The following STXBP5L variants were observed in gnomAD, a reference collection of about 807,000 sequenced individuals.
The protein encoded by STXBP5L is syntaxin-binding protein 5-like.
STXBP5L carries 65 observed loss-of-function variants against 144.5 expected under a neutral mutation model. The ratio of observed to expected loss-of-function variants is 0.45; its 90% CI spans 0.37 to 0.55. STXBP5L has a LOEUF of 0.55. STXBP5L is among the 20% of genes least tolerant of loss of function. The pLI is 0.00. For missense variants in STXBP5L, 1,298 were observed against 1,405.5 expected, an observed-to-expected ratio of 0.92 and a Z score of 1.22; for synonymous variants, 505 against 469.6, an observed-to-expected ratio of 1.08 and a Z score of -0.97.
intron 25 of STXBP5L, among the ~76,000 whole-genome samples, chr3:121,417,603 C>T (rs911887076): frequency 6.6e-6 from 1 of 152,076 alleles, no homozygotes; most frequent in Non-Finnish European, 1.5e-5. Context: ...GTAGCTGGGA[C>T]TACAGGCACA....
At chr3:121,187,564 TA>T (rs1185891682) in intron 9 of STXBP5L, among the ~76,000 whole-genome samples, 1 of 116,278 alleles carries the variant, frequency 8.6e-6, no homozygotes, top group Non-Finnish European at 1.9e-5. Context: ...ATAATAAAAA[TA>T]AAAAATGAAA....
chr3:120,913,922 CA>C (rs1300003420), intron 2 of STXBP5L, among the ~76,000 whole-genome samples: 1 of 151,858 alleles, frequency 6.6e-6, no homozygotes, highest in East Asian at 1.9e-4. Flanking sequence ...GTGTTAAAAG[CA>C]AACTAGATAT....
intron 5 of STXBP5L, among the ~76,000 whole-genome samples, chr3:121,112,476 A>G (rs1365799562): frequency 1.3e-5 from 2 of 151,602 alleles, no homozygotes; most frequent in South Asian, 2.1e-4. Flanking sequence ...CCAACTGCCT[A>G]TTCAGTCCCA....
In STXBP5L at chr3:121,283,895, T is replaced by G. The variant is rs1553881; in HGVS notation, c.2110+3939T>G. ...GGATCTCCTACATTTGTGTGTGTGCTTGTGTGTGTGTGTGTGTGTGTGTGT... is the reference window on the plus strand; with the variant it reads ...GGATCTCCTACATTTGTGTGTGTGCGTGTGTGTGTGTGTGTGTGTGTGTGT... On this transcript the variant is annotated intron_variant, in intron 19 of 26. Transcript: ENST00000471454. 9.1e-4 allele frequency among the ~76,000 whole-genome samples: 106 copies of G among 116,190 alleles called. 1 individual carries two copies. The highest frequency in any genetic ancestry group is 4.2e-3 in the South Asian group (16 of 3,778). The allele number at this position is 116,190 out of a possible 152,430, so 76.2% of individuals were successfully genotyped here.
intron 8 of STXBP5L, among the ~76,000 whole-genome samples, chr3:121,155,521 A>G (rs1322795903): frequency 6.6e-6 from 1 of 151,922 alleles, no homozygotes; most frequent in Non-Finnish European, 1.5e-5. Context: ...CACTGAGTTG[A>G]TAAAACTAGC....
intron 3 of STXBP5L, among the ~76,000 whole-genome samples, chr3:120,963,005 G>T (rs1240123273): frequency 6.6e-6 from 1 of 152,144 alleles, no homozygotes; most frequent in Non-Finnish European, 1.5e-5. Flanking sequence ...CTTGTTAGTT[G>T]GATTCCTAGG....
At chr3:120,957,329 TATATG>T in intron 3 of STXBP5L, among the ~76,000 whole-genome samples, 1 of 152,174 alleles carries the variant, frequency 6.6e-6, no homozygotes, top group Admixed American at 6.6e-5. Flanking sequence ...GTTACTGTGA[TATATG>T]ATATTTATTG....
intron 19 of STXBP5L, among the ~76,000 whole-genome samples, chr3:121,291,852 A>G (rs985625287): frequency 6.6e-6 from 1 of 152,212 alleles, no homozygotes; most frequent in Non-Finnish European, 1.5e-5. Flanking sequence ...GGCAAGCCAC[A>G]TGTAGAAAAA....
intron 8 of STXBP5L, 21 bp downstream of exon 8, chr3:121,152,581 T>A (rs1214560518): frequency 6.5e-7 from 1 of 1,535,304 alleles, no homozygotes; most frequent in Admixed American, 1.8e-5. Context: ...TCTACCGACA[T>A]GTTTGAAAGA....
chr3:121,253,651 G>A (rs1160591351), intron 15 of STXBP5L, among the ~76,000 whole-genome samples: 2 of 139,114 alleles, frequency 1.4e-5, no homozygotes, highest in Admixed American at 7.1e-5. Flanking sequence ...TTTTTTTGAC[G>A]GAGTCTCGCT....
chr3:121,055,110 T>C (rs1948356133), intron 5 of STXBP5L, among the ~76,000 whole-genome samples: 1 of 152,178 alleles, frequency 6.6e-6, no homozygotes. Flanking sequence ...AGTTTGAAAA[T>C]GTTTTAATGC....
At chr3:121,359,454 A>G (rs1360887733) in intron 20 of STXBP5L, among the ~76,000 whole-genome samples, 1 of 151,868 alleles carries the variant, frequency 6.6e-6, no homozygotes, top group African/African-American at 2.4e-5. Context: ...GAGTTTTTTA[A>G]CTTGATGTGA....
chr3:120,989,278 G>A (rs112572364), intron 3 of STXBP5L, among the ~76,000 whole-genome samples: 2 of 152,190 alleles, frequency 1.3e-5, no homozygotes, highest in African/African-American at 4.8e-5. Context: ...CCTTTTCTGT[G>A]CATCCTCATC....
chr3:121,357,141 A>ACC (rs2045544896), intron 20 of STXBP5L: 1 of 171,446 alleles, frequency 5.8e-6, no homozygotes, highest in Non-Finnish European at 1.3e-5. Context: ...CTCCAGAAGC[A>ACC]CAATCACAGG....
chr3:121,020,135 G>A (rs1945439998), intron 3 of STXBP5L, among the ~76,000 whole-genome samples: 1 of 152,098 alleles, frequency 6.6e-6, no homozygotes, highest in African/African-American at 2.4e-5. Flanking sequence ...AAAATGCACT[G>A]GAAAGGCTCG....
intron 10 of STXBP5L, among the ~76,000 whole-genome samples, chr3:121,214,663 A>C (rs1461451599): frequency 6.6e-6 from 1 of 152,224 alleles, no homozygotes; most frequent in Non-Finnish European, 1.5e-5. Flanking sequence ...TGTGGCACTG[A>C]GAAGAATGTA....
intron 3 of STXBP5L, among the ~76,000 whole-genome samples, chr3:121,023,381 C>A (rs1269682405): frequency 6.6e-6 from 1 of 152,066 alleles, no homozygotes; most frequent in Non-Finnish European, 1.5e-5. Flanking sequence ...CTTCACAGAA[C>A]TAGAAAATAC....
chr3:121,191,020 A>T (rs904523641), intron 9 of STXBP5L, among the ~76,000 whole-genome samples: 2 of 142,114 alleles, frequency 1.4e-5, no homozygotes, highest in African/African-American at 5.4e-5. Context: ...CCTAGACGGG[A>T]TGACTGCTGG....
At chr3:121,080,385 G>T (rs1449494754) in intron 5 of STXBP5L, among the ~76,000 whole-genome samples, 1 of 151,058 alleles carries the variant, frequency 6.6e-6, no homozygotes, top group Non-Finnish European at 1.5e-5. Flanking sequence ...TAAATACTTT[G>T]TTTTTTTTTA....
Sources: allele counts gnomAD v4.1 joint callset (sites outside exome capture counted in the v4.1 genomes callset), GRCh38; gene constraint gnomAD v4.1.1; transcripts MANE v1.5; gene names NCBI Gene and HGNC (gene_info 2026-07-23, HGNC 2026-07-21).